The following PLPPR1 variants were observed in gnomAD, a reference collection of about 807,000 sequenced individuals.
PLPPR1 encodes the protein phospholipid phosphatase-related protein type 1.
In PLPPR1, 10 loss-of-function variants were observed where a neutral mutation model predicts 33.1. The ratio of observed to expected loss-of-function variants is 0.30; its 90% CI spans 0.19 to 0.51. PLPPR1 has a LOEUF of 0.51. Among genes scored for constraint, PLPPR1 ranks in the 20% least tolerant of loss-of-function variants. PLPPR1 has a pLI of 0.97. For missense variants in PLPPR1, 304 were observed against 408.1 expected (o/e 0.74, Z 2.20); for synonymous variants, 151 against 151.0 (o/e 1.00, Z 0.00).
At chr9:101,226,444 G>A (rs997840968) in intron 2 of PLPPR1, among the ~76,000 whole-genome samples, 1 of 152,120 alleles carries the variant, frequency 6.6e-6, no homozygotes, top group African/African-American at 2.4e-5. Context: ...ACCATACACT[G>A]GGTGGCTCAT....
chr9:101,236,428 A>G (rs1416895123), intron 2 of PLPPR1, among the ~76,000 whole-genome samples: 1 of 151,676 alleles, frequency 6.6e-6, no homozygotes, highest in East Asian at 1.9e-4. Flanking sequence ...TAACTATCAG[A>G]GAAAAGGCAA....
At chr9:101,107,222 G>C (rs952695946) in intron 1 of PLPPR1, among the ~76,000 whole-genome samples, 5 of 99,784 alleles carry the variant, frequency 5.0e-5, no homozygotes, top group Admixed American at 1.9e-4. Flanking sequence ...GAGGAGAGGC[G>C]CTCTGCATTT....
intron 2 of PLPPR1, among the ~76,000 whole-genome samples, chr9:101,210,042 A>T (rs1826661350): frequency 6.6e-6 from 1 of 152,174 alleles, no homozygotes; most frequent in African/African-American, 2.4e-5. Context: ...CAGATGTAGG[A>T]TTATTTTTAG....
chr9:101,286,179 C>A lies in PLPPR1; in HGVS notation c.328C>A (p.Leu110Met). The change falls in exon 4 of 8, where the codon CTG becomes ATG. Residue 110 changes from leucine to methionine, a missense_variant. Transcript: ENST00000374874. ...ESLIAQEKTI[L>M]TGECCYLNPL... is the part of the protein sequence containing the mutation. ...CCTGATTGCTCAGGAGAAAACAATT[C>A]TGACCGGAGAATGCTGTTACCTGAA... The A allele has an allele frequency of 5.6e-6, 9 of 1,613,604 alleles. No individual in the cohort carries two copies. The highest frequency in any genetic ancestry group is 7.6e-6 in the Non-Finnish European group (9 of 1,179,554).
chr9:101,188,406 A>T (rs1826239888), intron 2 of PLPPR1, among the ~76,000 whole-genome samples: 1 of 152,018 alleles, frequency 6.6e-6, no homozygotes, highest in Non-Finnish European at 1.5e-5. Context: ...TATGTCATAT[A>T]TTCTGTAGTT....
At chr9:101,119,360 C>T (rs994147997) in intron 1 of PLPPR1, among the ~76,000 whole-genome samples, 2 of 152,140 alleles carry the variant, frequency 1.3e-5, no homozygotes, top group African/African-American at 4.8e-5. Flanking sequence ...CATTTCACAC[C>T]GTGCTGCCTG....
chr9:101,193,386 A>G (rs2987736), intron 2 of PLPPR1, among the ~76,000 whole-genome samples: 128,503 of 151,998 alleles, frequency 0.85, 55,007 homozygotes, highest in East Asian at 0.95. Context: ...TGACTCTGGG[A>G]GTGGGGCGGG....
chr9:101,141,701 A>G (rs1001760068), intron 1 of PLPPR1, among the ~76,000 whole-genome samples: 2 of 152,188 alleles, frequency 1.3e-5, no homozygotes, highest in African/African-American at 4.8e-5. Flanking sequence ...TTAATTATCT[A>G]GCAATAGGAT....
intron 4 of PLPPR1, among the ~76,000 whole-genome samples, chr9:101,296,368 A>T (rs929953690): frequency 6.6e-5 from 10 of 151,676 alleles, no homozygotes; most frequent in African/African-American, 2.2e-4. Context: ...AAACTAGTTC[A>T]ACCATTGTGG....
intron 4 of PLPPR1, among the ~76,000 whole-genome samples, chr9:101,306,167 C>G (rs542527764): frequency 6.6e-6 from 1 of 152,180 alleles, no homozygotes; most frequent in Non-Finnish European, 1.5e-5. Flanking sequence ...AATGCAGTTA[C>G]CCTATGCTGT....
intron 2 of PLPPR1, among the ~76,000 whole-genome samples, chr9:101,207,037 T>A (rs117428894): frequency 0.012 from 1,844 of 152,308 alleles, 23 homozygotes; most frequent in Non-Finnish European, 0.018. Context: ...ATATTTTTCC[T>A]CTGTGATTTG....
intron 1 of PLPPR1, among the ~76,000 whole-genome samples, chr9:101,046,354 T>C (rs189187327): frequency 8.1e-4 from 123 of 151,584 alleles, no homozygotes; most frequent in Non-Finnish European, 1.4e-3. Flanking sequence ...CCTCCACCCC[T>C]GCCCAGAGCA....
intron 6 of PLPPR1, among the ~76,000 whole-genome samples, chr9:101,315,136 A>G (rs1829028952): frequency 6.6e-6 from 1 of 152,206 alleles, no homozygotes; most frequent in South Asian, 2.1e-4. Context: ...ATTTTGAAAT[A>G]TACAGTAAAT....
chr9:101,129,533 TA>T (rs200536822), intron 1 of PLPPR1, among the ~76,000 whole-genome samples: 16 of 150,288 alleles, frequency 1.1e-4, no homozygotes, highest in African/African-American at 2.9e-4. Flanking sequence ...GCAATAGCAA[TA>T]AAAAAAAAGG....
intron 1 of PLPPR1, among the ~76,000 whole-genome samples, chr9:101,036,843 T>C (rs1830017285): frequency 6.6e-6 from 1 of 152,072 alleles, no homozygotes; most frequent in African/African-American, 2.4e-5. Context: ...TATTAACCTC[T>C]ACAACACACT....
intron 1 of PLPPR1, among the ~76,000 whole-genome samples, chr9:101,172,150 G>A (rs1370877772): frequency 5.3e-5 from 8 of 152,028 alleles, no homozygotes; most frequent in African/African-American, 1.7e-4. Context: ...TAAATGTTGT[G>A]GAACTCATAT....
chr9:101,043,366 T>C (rs1830105205), intron 1 of PLPPR1, among the ~76,000 whole-genome samples: 2 of 151,584 alleles, frequency 1.3e-5, no homozygotes, highest in African/African-American at 4.8e-5. Flanking sequence ...TGTATGTATA[T>C]ACATATGTAT....
At chr9:101,254,007 T>G (rs932198406) in intron 2 of PLPPR1, among the ~76,000 whole-genome samples, 1 of 152,044 alleles carries the variant, frequency 6.6e-6, no homozygotes, top group Non-Finnish European at 1.5e-5. Context: ...TTTTAGTCAG[T>G]AGAACATAAT....
chr9:101,237,279 G>A (rs184151304), intron 2 of PLPPR1, among the ~76,000 whole-genome samples: 1 of 151,636 alleles, frequency 6.6e-6, no homozygotes, highest in African/African-American at 2.4e-5. Context: ...CAATAGAACT[G>A]AAAATAGAAC....
Sources: gnomAD v4.1 joint callset for allele counts (sites outside exome capture counted in the v4.1 genomes callset) on GRCh38, gnomAD v4.1.1 for gene constraint, MANE v1.5 for transcripts, NCBI Gene and HGNC (gene_info 2026-07-23, HGNC 2026-07-21) for gene names.